RAPGEF5: variants seen among roughly 807,000 people sequenced by gnomAD.
The protein encoded by RAPGEF5 is M-Ras-regulated GEF.
RAPGEF5 carries 65 observed loss-of-function variants against 125.2 expected under a neutral mutation model. The ratio of observed to expected loss-of-function variants is 0.52; its 90% CI spans 0.43 to 0.64. The LOEUF is 0.64. Ranked by LOEUF, RAPGEF5 falls within the 30% of genes least tolerant of loss-of-function variation. The probability of loss-of-function intolerance (pLI) is 0.00; values close to 1 mark genes in which losing one functional copy is unlikely to be tolerated. For synonymous variants in RAPGEF5, 391 were observed against 385.9 expected (o/e 1.01, Z -0.16); for missense variants, 958 against 1,048.1 (o/e 0.91, Z 1.19).
At chr7:22,214,614 A>G (rs977025156) in intron 9 of RAPGEF5, among the ~76,000 whole-genome samples, 1 of 152,210 alleles carries the variant, frequency 6.6e-6, no homozygotes, top group African/African-American at 2.4e-5. Flanking sequence ...AAAATAAAAT[A>G]TGAAAAGTTT....
At position 22,336,496 on chromosome 7, in the gene RAPGEF5, T is replaced by C. The variant is rs573410393; in HGVS notation, c.232-18459A>G. Among the ~76,000 whole-genome samples the C allele has an allele frequency of 2.1e-4, 32 of 152,170 alleles. 1 individual carries two copies. The highest frequency in any genetic ancestry group is 3.7e-4 in the Non-Finnish European group (25 of 68,020). On this transcript the variant is annotated intron_variant, in intron 1 of 25. Transcript: ENST00000665637. ...AAAGAAGTTAATTATCAATTATGTATGTTAGACAGTGGTAGAGGAATAAGG... is the reference window on the plus strand; with the variant it reads ...AAAGAAGTTAATTATCAATTATGTACGTTAGACAGTGGTAGAGGAATAAGG...
chr7:22,141,817 C>G (rs77632718), intron 20 of RAPGEF5, among the ~76,000 whole-genome samples: 1 of 152,184 alleles, frequency 6.6e-6, no homozygotes, highest in East Asian at 1.9e-4. Context: ...TGACCCCTTA[C>G]GTGGTTTTTT....
At chr7:22,266,894 C>G in intron 7 of RAPGEF5, 70 bp downstream of exon 7, 3 of 1,461,092 alleles carry the variant, frequency 2.1e-6, no homozygotes, top group Non-Finnish European at 2.9e-6. Context: ...CAACTGCACA[C>G]TACCAGATGA....
chr7:22,177,857 G>T (rs541573882), intron 11 of RAPGEF5, among the ~76,000 whole-genome samples: 8 of 152,130 alleles, frequency 5.3e-5, no homozygotes, highest in Admixed American at 3.3e-4. Flanking sequence ...ATCCGGTTTA[G>T]GGGAAAAGAA....
chr7:22,326,379 G>A (rs1783814453), intron 1 of RAPGEF5, among the ~76,000 whole-genome samples: 1 of 152,138 alleles, frequency 6.6e-6, no homozygotes, highest in African/African-American at 2.4e-5. Context: ...AGTTTTATTG[G>A]AACACTGTGT....
chr7:22,128,385 G>T (rs1056287206), intron 24 of RAPGEF5, among the ~76,000 whole-genome samples: 1 of 152,140 alleles, frequency 6.6e-6, no homozygotes, highest in African/African-American at 2.4e-5. Flanking sequence ...TCAGTGTACT[G>T]GCCTGCATCA....
At chr7:22,316,396 C>A (rs1366012610) in intron 2 of RAPGEF5, among the ~76,000 whole-genome samples, 2 of 130,526 alleles carry the variant, frequency 1.5e-5, no homozygotes, top group African/African-American at 2.9e-5. Flanking sequence ...AAATGTGTAT[C>A]TACTATATAT....
At position 22,167,167 on chromosome 7, in the gene RAPGEF5, C is replaced by A. The variant is rs1018313792; in HGVS notation, c.1205-19G>T. The A allele has an allele frequency of 3.8e-6, 6 of 1,569,002 alleles. No homozygotes were observed. The African/African-American group carries it at 6.8e-5, about 18-fold the overall frequency. On this transcript the variant is annotated intron_variant, in intron 11 of 25. Transcript: ENST00000665637. ...AGGGTCTCTGCAAAGAAAAAAAAAA[C>A]AAACACAAGGTAAGCAAAGAGGTGG...
chr7:22,315,149 G>T (rs1485769507), intron 3 of RAPGEF5, among the ~76,000 whole-genome samples: 4 of 152,152 alleles, frequency 2.6e-5, no homozygotes, highest in African/African-American at 4.8e-5. Flanking sequence ...CACACTTGGG[G>T]CTGGAAATTC....
chr7:22,326,659 G>C (rs1291435582), intron 1 of RAPGEF5, among the ~76,000 whole-genome samples: 1 of 152,052 alleles, frequency 6.6e-6, no homozygotes, highest in African/African-American at 2.4e-5. Context: ...ACTATTTAAG[G>C]CACAATTCCA....
intron 2 of RAPGEF5, 38 bp downstream of exon 2, chr7:22,317,949 T>A: frequency 6.5e-7 from 1 of 1,545,732 alleles, no homozygotes; most frequent in Non-Finnish European, 8.7e-7. Flanking sequence ...TGTCAATCAC[T>A]ATTTCAGAAA....
intron 6 of RAPGEF5, among the ~76,000 whole-genome samples, chr7:22,277,925 G>C (rs1404052903): frequency 6.6e-6 from 1 of 152,176 alleles, no homozygotes; most frequent in African/African-American, 2.4e-5. Flanking sequence ...CTTTTGCCCT[G>C]TAATGTAATA....
chr7:22,191,626 C>A (rs1378941459), intron 11 of RAPGEF5: 1 of 470,682 alleles, frequency 2.1e-6, no homozygotes, highest in Non-Finnish European at 4.4e-6. Flanking sequence ...CACATGTGAT[C>A]CCAGGGGTTG....
In RAPGEF5 at chr7:22,162,413, G is replaced by A. The variant is rs1218839036; in HGVS notation, c.1412C>T (p.Ser471Leu). The change falls in exon 13 of 26, where the codon TCA (serine) becomes TTA (leucine). Residue 471 changes from serine (S) to leucine (L), a missense_variant. Coordinates refer to ENST00000665637, the MANE Select transcript of RAPGEF5 (RefSeq NM_012294.5). ...TTTGATTACCTTTAAAAACATTTTTGAATGTTCATCTTCAGGTAACCAGTC... is the reference window on the plus strand; with the variant it reads ...TTTGATTACCTTTAAAAACATTTTTAAATGTTCATCTTCAGGTAACCAGTC... Reference protein sequence around the residue: ...YKDWLPEDEHSKMFLKTIYRN... With the variant: ...YKDWLPEDEHLKMFLKTIYRN... The A allele has an allele frequency of 1.9e-6, 3 of 1,587,478 alleles. No homozygotes were observed. The highest frequency in any genetic ancestry group is 2.2e-5 in the South Asian group (2 of 89,848).
intron 9 of RAPGEF5, among the ~76,000 whole-genome samples, chr7:22,197,899 G>GGGGC (rs1554327509): frequency 1.4e-5 from 2 of 146,740 alleles, no homozygotes; most frequent in East Asian, 4.0e-4. Flanking sequence ...TTTTTGGGGG[G>GGGGC]GGGTGGTAGG....
At position 22,167,126 on chromosome 7, in the gene RAPGEF5, A is replaced by C; in HGVS notation, c.1227T>G (p.Leu409=). The stretch of plus-strand genomic sequence containing the variant: ...TTGTCATGAAGACAGTGTACGTGAG[A>C]AGGAAGTCATCCAGGAGGGTCTCTG... ...KETETLLDDF[L]LTYTVFMTTD... Residue 409 remains leucine (L), a synonymous_variant, in exon 12 of 26, where the codon CTT becomes CTG. Coordinates refer to ENST00000665637, the MANE Select transcript of RAPGEF5 (RefSeq NM_012294.5). 6.2e-7 allele frequency: 1 copy of C among 1,613,148 alleles called. No individual in the cohort carries two copies.
At chr7:22,142,875 T>G (rs1783309125) in intron 20 of RAPGEF5, among the ~76,000 whole-genome samples, 1 of 152,246 alleles carries the variant, frequency 6.6e-6, no homozygotes, top group Admixed American at 6.5e-5. Context: ...CTATTTTCCC[T>G]TGGTTATTCC....
intron 7 of RAPGEF5, among the ~76,000 whole-genome samples, chr7:22,235,906 A>G (rs540787465): frequency 6.6e-6 from 1 of 152,342 alleles, no homozygotes; most frequent in East Asian, 1.9e-4. Flanking sequence ...ATTCTTTAAA[A>G]AGGAAGAAAA....
chr7:22,175,960 T>G (rs746400655), intron 11 of RAPGEF5, among the ~76,000 whole-genome samples: 7 of 152,162 alleles, frequency 4.6e-5, no homozygotes, highest in Non-Finnish European at 8.8e-5. Flanking sequence ...GTATTTACTT[T>G]TTTTTCATGT....
Sources: gnomAD v4.1 joint callset for allele counts (sites outside exome capture counted in the v4.1 genomes callset) on GRCh38, gnomAD v4.1.1 for gene constraint, MANE v1.5 for transcripts, NCBI Gene and HGNC (gene_info 2026-07-23, HGNC 2026-07-21) for gene names.